NKAIN3: variants seen among roughly 807,000 people sequenced by gnomAD.
NKAIN3 encodes sodium/potassium-transporting ATPase subunit beta-1-interacting protein 3.
A neutral mutation model predicts 30.2 loss-of-function variants in NKAIN3; 25 were observed. The ratio of observed to expected loss-of-function variants is 0.83; its 90% confidence interval spans 0.60 to 1.16. The LOEUF (loss-of-function observed/expected upper bound fraction) is 1.16. Among genes scored for constraint, NKAIN3 ranks in the 50% most tolerant of loss-of-function variants. The pLI is 0.00. For synonymous variants in NKAIN3, 91 were observed against 89.6 expected, an observed-to-expected ratio of 1.02 and a Z score of -0.09; for missense variants, 225 against 254.1, an observed-to-expected ratio of 0.89 and a Z score of 0.78.
chr8:62,855,617 T>G, intron 4 of NKAIN3: 1 of 1,603,000 alleles, frequency 6.2e-7, no homozygotes, highest in East Asian at 2.2e-5. Flanking sequence ...TTGTTCAGTC[T>G]CCATCAAATC....
chr8:62,660,005 T>C (rs1288544821), intron 3 of NKAIN3, among the ~76,000 whole-genome samples: 1 of 152,192 alleles, frequency 6.6e-6, no homozygotes, highest in Non-Finnish European at 1.5e-5. Context: ...CTTTTGTATA[T>C]TGCCCAGTCT....
chr8:62,769,038 A>T (rs145450398), intron 4 of NKAIN3, among the ~76,000 whole-genome samples: 1 of 152,180 alleles, frequency 6.6e-6, no homozygotes, highest in Admixed American at 6.5e-5. Context: ...ATTTCAGGCA[A>T]TTGGCACTCT....
chr8:62,589,672 C>T (rs1263859583), intron 2 of NKAIN3, 42 bp from the exon 3 acceptor site: 3 of 864,462 alleles, frequency 3.5e-6, no homozygotes, highest in Non-Finnish European at 5.7e-6. Flanking sequence ...CCTTTCATCT[C>T]CATATTTTTC....
intron 1 of NKAIN3, among the ~76,000 whole-genome samples, chr8:62,383,881 CT>C (rs202071193): frequency 0.26 from 37,850 of 145,670 alleles, 4,855 homozygotes; most frequent in Middle Eastern, 0.4. Context: ...CATGAATTTT[CT>C]TTTTTTTTTT....
At chr8:62,454,323 A>AAAAAAAAAAAAAAAAAAAAAT (rs1360909972) in intron 1 of NKAIN3, among the ~76,000 whole-genome samples, 1 of 145,096 alleles carries the variant, frequency 6.9e-6, no homozygotes, top group Non-Finnish European at 1.5e-5. Context: ...AAAAAAAAAA[A>AAAAAAAAAAAAAAAAAAAAAT]TCTGAAAATC....
At chr8:62,988,191 C>G (rs1019964352), downstream of NKAIN3, among the ~76,000 whole-genome samples, 1 of 152,208 alleles carries the variant, frequency 6.6e-6, no homozygotes, top group Admixed American at 6.5e-5. Flanking sequence ...TTCCCAGCTG[C>G]TTTCATGGGC....
At chr8:62,928,726 T>C (rs551092869) in intron 5 of NKAIN3, among the ~76,000 whole-genome samples, 41 of 152,330 alleles carry the variant, frequency 2.7e-4, no homozygotes, top group African/African-American at 8.9e-4. Flanking sequence ...CACTGAAGCT[T>C]TGGAAGCCGC....
Position 62,565,365 on chromosome 8 carries a change from CGT to C in NKAIN3, c.55-14156_55-14155del, listed in dbSNP as rs3059061. Reference sequence around the variant, plus strand: ...ATGTATACATGGGCATACGTGTGTGCGTGTGTGTGTGTGTGTGTGACAGAGAG... The same window carrying C: ...ATGTATACATGGGCATACGTGTGTGCGTGTGTGTGTGTGTGTGACAGAGAG... On this transcript the variant is annotated intron_variant, in intron 1 of 6. Coordinates refer to ENST00000623646, the MANE Select transcript of NKAIN3 (RefSeq NM_001304533.3). 1.9e-3 allele frequency among the ~76,000 whole-genome samples: 281 copies of C among 149,676 alleles called. 2 individuals are homozygous for C. The highest frequency in any genetic ancestry group is 5.3e-3 in the African/African-American group (217 of 40,926).
intron 4 of NKAIN3, among the ~76,000 whole-genome samples, chr8:62,748,445 C>T (rs1391696558): frequency 6.6e-6 from 1 of 152,164 alleles, no homozygotes; most frequent in Non-Finnish European, 1.5e-5. Flanking sequence ...GTGAGTAATG[C>T]TTGCTATTGC....
In NKAIN3 at chr8:62,677,482, G is replaced by A. The variant is rs80212153; in HGVS notation, c.274-69450G>A. Among the ~76,000 whole-genome samples the A allele has an allele frequency of 1.2e-4, 18 of 152,338 alleles. No individual in the cohort carries two copies. In the East Asian group the frequency reaches 2.1e-3, roughly 18 times the overall value. On this transcript the variant is annotated intron_variant, in intron 3 of 6. Coordinates refer to ENST00000623646, the MANE Select transcript of NKAIN3 (RefSeq NM_001304533.3). ...AGGACCCCATTGAGAGCTATGTGGTGCAGTAGAGATAGCAAGAGTGCTTTG... is the reference window on the plus strand; with the variant it reads ...AGGACCCCATTGAGAGCTATGTGGTACAGTAGAGATAGCAAGAGTGCTTTG...
intron 1 of NKAIN3, among the ~76,000 whole-genome samples, chr8:62,539,276 T>C (rs1808766043): frequency 6.6e-6 from 1 of 152,182 alleles, no homozygotes; most frequent in Non-Finnish European, 1.5e-5. Flanking sequence ...GTAGAAATGA[T>C]TTCATCATTA....
At chr8:62,943,930 G>A (rs1439899402) in intron 5 of NKAIN3, among the ~76,000 whole-genome samples, 1 of 151,718 alleles carries the variant, frequency 6.6e-6, no homozygotes, top group African/African-American at 2.4e-5. Context: ...AACATTGTAT[G>A]TTTTCACTTA....
chr8:62,780,698 T>C (rs1817330078), intron 4 of NKAIN3, among the ~76,000 whole-genome samples: 2 of 152,158 alleles, frequency 1.3e-5, no homozygotes, highest in African/African-American at 2.4e-5. Flanking sequence ...TATGATAATT[T>C]TATTAGATGC....
At chr8:62,330,990 C>A (rs1563936587) in intron 1 of NKAIN3, among the ~76,000 whole-genome samples, 4 of 144,802 alleles carry the variant, frequency 2.8e-5, no homozygotes, top group Non-Finnish European at 5.9e-5. Flanking sequence ...AGACTTCTCT[C>A]TCTCTCTCTT....
chr8:62,461,126 C>A (rs1428885857), intron 1 of NKAIN3, among the ~76,000 whole-genome samples: 1 of 152,118 alleles, frequency 6.6e-6, no homozygotes, highest in East Asian at 1.9e-4. Flanking sequence ...GTTGCAGATG[C>A]CTTGATGATT....
chr8:62,634,293 A>C (rs2130277411), intron 3 of NKAIN3, among the ~76,000 whole-genome samples: 1 of 152,218 alleles, frequency 6.6e-6, no homozygotes, highest in Non-Finnish European at 1.5e-5. Context: ...TGAGTGCCTA[A>C]GCGACCACCT....
chr8:62,621,982 AC>A (rs1811629806), intron 3 of NKAIN3, among the ~76,000 whole-genome samples: 1 of 152,074 alleles, frequency 6.6e-6, no homozygotes, highest in Non-Finnish European at 1.5e-5. Flanking sequence ...ACCCCTGGAA[AC>A]CAAAAATGTA....
intron 4 of NKAIN3, among the ~76,000 whole-genome samples, chr8:62,834,648 G>GAGAACT (rs748576971): frequency 6.6e-6 from 1 of 151,840 alleles, no homozygotes; most frequent in African/African-American, 2.4e-5. Context: ...TCTCTACAAA[G>GAGAACT]AGAACTATAA....
intron 1 of NKAIN3, among the ~76,000 whole-genome samples, chr8:62,292,539 T>A (rs575521471): frequency 1.3e-5 from 2 of 152,340 alleles, no homozygotes; most frequent in East Asian, 3.9e-4. Context: ...AAAATTCTTT[T>A]CTTTAAGAAT....
Sources: allele counts gnomAD v4.1 joint callset (sites outside exome capture counted in the v4.1 genomes callset), GRCh38; gene constraint gnomAD v4.1.1; transcripts MANE v1.5; gene names NCBI Gene and HGNC (gene_info 2026-07-23, HGNC 2026-07-21).